PKIB: variants seen among roughly 807,000 people sequenced by gnomAD.
PKIB encodes cAMP-dependent protein kinase inhibitor beta, also known as PKI-beta.
In PKIB, 2 loss-of-function variants were observed where a neutral mutation model predicts 4.5. That is an observed-to-expected ratio of 0.44 (90% CI 0.18 to 1.39). The LOEUF is 1.39. Among genes scored for constraint, PKIB ranks in the 40% most tolerant of loss-of-function variants. The pLI, the probability that PKIB is intolerant of heterozygous loss-of-function variation, is 0.27. For missense variants in PKIB, 94 were observed against 92.6 expected (o/e 1.02, Z -0.06); for synonymous variants, 38 against 36.0 (o/e 1.06, Z -0.20).
chr6:122,580,681 GC>G lies in PKIB; in HGVS notation c.-247-5239del, dbSNP rs559652375. On this transcript the variant is annotated intron_variant, in intron 2 of 6. Coordinates refer to the PKIB transcript ENST00000392491. ...CTATATGCACTATACACTACAAGCA[GC>G]AGAAAATATATTATTTTGTCTTGTA... is the stretch of plus-strand genomic sequence containing the variant. Among the ~76,000 whole-genome samples the G allele has an allele frequency of 5.1e-3, 782 of 152,152 alleles. 8 individuals carry two copies. Among genetic ancestry groups the G allele is most frequent in the African/African-American group, 0.018 (733 of 41,512 alleles).
chr6:122,688,120 A>G (rs1255603372), intron 3 of PKIB, among the ~76,000 whole-genome samples: 1 of 152,042 alleles, frequency 6.6e-6, no homozygotes, highest in African/African-American at 2.4e-5. Flanking sequence ...ATGTTGAGGT[A>G]TGTTTCTTTT....
intron 3 of PKIB, among the ~76,000 whole-genome samples, chr6:122,717,204 G>A (rs796484536): frequency 9.8e-5 from 1 of 10,240 alleles, no homozygotes; most frequent in Non-Finnish European, 2.8e-4. Context: ...ACCTAAAATA[G>A]GTCCTACTCT....
At chr6:122,687,101 T>G (rs1352419554) in intron 3 of PKIB, among the ~76,000 whole-genome samples, 1 of 152,216 alleles carries the variant, frequency 6.6e-6, no homozygotes, top group Admixed American at 6.5e-5. Flanking sequence ...TAGTTTGAAG[T>G]CTTAAATTTA....
At chr6:122,628,340 A>G (rs887280600) in intron 1 of PKIB, among the ~76,000 whole-genome samples, 18 of 151,938 alleles carry the variant, frequency 1.2e-4, no homozygotes, top group African/African-American at 4.1e-4. Context: ...CCCGGCCTCC[A>G]GTTCTTTCAT....
Position 122,630,221 on chromosome 6 carries a change from T to A in PKIB, c.-160-3062T>A, listed in dbSNP as rs140694417. ...GAAAGCAGGGTGTTGAGGGGATATT[T>A]GTACACTCATGTTCATAGTAGCATT... On this transcript the variant is annotated intron_variant, in intron 1 of 4. Coordinates refer to ENST00000368452, the MANE Select transcript of PKIB (RefSeq NM_181795.3). Among the ~76,000 whole-genome samples the A allele has an allele frequency of 1.4e-3, 219 of 152,302 alleles. 1 individual carries two copies. The highest frequency in any genetic ancestry group is 4.9e-3 in the African/African-American group (203 of 41,582).
intron 2 of PKIB, among the ~76,000 whole-genome samples, chr6:122,633,929 C>CCTATCTATCTATCTATCTATCTAT (rs61254507): frequency 2.7e-5 from 4 of 145,976 alleles, no homozygotes; most frequent in East Asian, 2.0e-4. Context: ...AGATATCTGT[C>CCTATCTATCTATCTATCTATCTAT]CTATCTATCT....
intron 2 of PKIB, among the ~76,000 whole-genome samples, chr6:122,502,548 T>G (rs1776272933): frequency 6.6e-6 from 1 of 151,882 alleles, no homozygotes; most frequent in South Asian, 2.1e-4. Flanking sequence ...TGCTACACAC[T>G]TTTAAATAAT....
At chr6:122,589,867 A>G (rs1773965563) in intron 3 of PKIB, among the ~76,000 whole-genome samples, 1 of 152,204 alleles carries the variant, frequency 6.6e-6, no homozygotes, top group South Asian at 2.1e-4. Flanking sequence ...ACAGGAAACC[A>G]ATTTTCTTCA....
At chr6:122,505,262 C>T (rs1008735424) in intron 2 of PKIB, among the ~76,000 whole-genome samples, 2 of 152,162 alleles carry the variant, frequency 1.3e-5, no homozygotes, top group Non-Finnish European at 1.5e-5. Context: ...GAGCAGATCT[C>T]GCTCTGAGCA....
intron 2 of PKIB, among the ~76,000 whole-genome samples, chr6:122,515,562 C>A (rs1776722035): frequency 6.6e-6 from 1 of 152,112 alleles, no homozygotes. Flanking sequence ...ATTAAGAGAT[C>A]CTTGAGAAAT....
At chr6:122,635,772 A>G (rs1004326634) in intron 2 of PKIB, among the ~76,000 whole-genome samples, 6 of 152,056 alleles carry the variant, frequency 3.9e-5, no homozygotes, top group Non-Finnish European at 8.8e-5. Flanking sequence ...ATTTCAAATG[A>G]CATTTGATAA....
chr6:122,579,868 C>T (rs1773654644), intron 2 of PKIB, among the ~76,000 whole-genome samples: 1 of 152,046 alleles, frequency 6.6e-6, no homozygotes, highest in Non-Finnish European at 1.5e-5. Flanking sequence ...TAACAAACGT[C>T]AATTAAACAC....
chr6:122,535,532 G>T (rs1212077378), intron 2 of PKIB, among the ~76,000 whole-genome samples: 2 of 152,112 alleles, frequency 1.3e-5, no homozygotes, highest in Non-Finnish European at 2.9e-5. Flanking sequence ...ACCACAGTCT[G>T]TCCAGTAAAA....
At chr6:122,483,015 C>T (rs1468092012) in intron 2 of PKIB, 4 of 150,950 alleles carry the variant, frequency 2.6e-5, no homozygotes, top group African/African-American at 7.3e-5. Flanking sequence ...TTCCTTTAGA[C>T]CATCTTAAAA....
At chr6:122,644,988 G>A (rs1406306116) in intron 2 of PKIB, among the ~76,000 whole-genome samples, 1 of 152,158 alleles carries the variant, frequency 6.6e-6, no homozygotes, top group African/African-American at 2.4e-5. Flanking sequence ...ATCTCCTAAA[G>A]GGTTAATGTC....
intron 2 of PKIB, among the ~76,000 whole-genome samples, chr6:122,496,998 A>G (rs574227801): frequency 1.1e-3 from 160 of 152,360 alleles, no homozygotes; most frequent in Non-Finnish European, 1.7e-3. Context: ...TTACATGCAA[A>G]GGCAACCGCA....
chr6:122,628,997 C>T (rs1775579661), intron 1 of PKIB, among the ~76,000 whole-genome samples: 1 of 152,110 alleles, frequency 6.6e-6, no homozygotes, highest in African/African-American at 2.4e-5. Context: ...AATGAGGGCT[C>T]AGTGCAGGTT....
At chr6:122,481,960 A>G (rs1775624999) in intron 2 of PKIB, 1 of 108,112 alleles carries the variant, frequency 9.2e-6, no homozygotes, top group Non-Finnish European at 1.9e-5. Context: ...AGCAAAGGTA[A>G]GTTTTGTTTT....
chr6:122,722,099 A>G (rs1779767862), intron 4 of PKIB, among the ~76,000 whole-genome samples: 1 of 152,184 alleles, frequency 6.6e-6, no homozygotes, highest in South Asian at 2.1e-4. Context: ...TTGAAGAATA[A>G]CAGCAATGTT....
Sources: allele counts gnomAD v4.1 joint callset (sites outside exome capture counted in the v4.1 genomes callset), GRCh38; gene constraint gnomAD v4.1.1; transcripts MANE v1.5; gene names NCBI Gene and HGNC (gene_info 2026-07-23, HGNC 2026-07-21).